Variants in TSPAN14 observed in about 807,000 individuals in gnomAD.
TSPAN14 encodes tetraspanin-14.
A neutral mutation model predicts 36.6 loss-of-function variants in TSPAN14; 16 were observed. That is an observed-to-expected ratio of 0.44 (90% CI 0.30 to 0.66). The LOEUF is 0.66. Among genes scored for constraint, TSPAN14 ranks in the 30% least tolerant of loss-of-function variants. The pLI, the probability that TSPAN14 is intolerant of heterozygous loss-of-function variation, is 0.12. For synonymous variants in TSPAN14, 139 were observed against 143.8 expected (o/e 0.97, Z 0.24); for missense variants, 231 against 355.1 (o/e 0.65, Z 2.81).
At chr10:80,500,148 C>T (rs1364985092) in intron 2 of TSPAN14, among the ~76,000 whole-genome samples, 1 of 152,076 alleles carries the variant, frequency 6.6e-6, no homozygotes, top group Non-Finnish European at 1.5e-5. Flanking sequence ...CTCCCTCAAT[C>T]TCCTGGTCTC....
chr10:80,468,036 G>T (rs1244508669), intron 1 of TSPAN14, among the ~76,000 whole-genome samples: 8 of 152,264 alleles, frequency 5.3e-5, no homozygotes, highest in Admixed American at 2.0e-4. Flanking sequence ...CTCTTCTTTG[G>T]GGGTGGAGAC....
chr10:80,499,306 G>C (rs989145749), intron 2 of TSPAN14, among the ~76,000 whole-genome samples: 3 of 152,202 alleles, frequency 2.0e-5, no homozygotes, highest in African/African-American at 7.2e-5. Context: ...GACCAGCCCA[G>C]AGTGCCCCAA....
intron 2 of TSPAN14, among the ~76,000 whole-genome samples, chr10:80,495,123 G>A (rs1233213649): frequency 6.6e-6 from 1 of 152,022 alleles, no homozygotes; most frequent in Non-Finnish European, 1.5e-5. Flanking sequence ...CAATTTTTTT[G>A]CTATCCTAGA....
At chr10:80,510,898 TAAAACAAAAC>T (rs928845487) in intron 5 of TSPAN14, among the ~76,000 whole-genome samples, 1 of 151,920 alleles carries the variant, frequency 6.6e-6, no homozygotes, top group African/African-American at 2.4e-5. Flanking sequence ...ATAAATAAAT[TAAAACAAAAC>T]AAAACAAAAC....
chr10:80,465,128 C>T (rs1389387073), intron 1 of TSPAN14, among the ~76,000 whole-genome samples: 3 of 152,200 alleles, frequency 2.0e-5, no homozygotes, highest in East Asian at 3.9e-4. Flanking sequence ...CAGGAGTGGC[C>T]GGTGCCAGGC....
intron 1 of TSPAN14, among the ~76,000 whole-genome samples, chr10:80,476,666 C>T (rs1347572943): frequency 1.3e-5 from 2 of 152,044 alleles, no homozygotes; most frequent in African/African-American, 4.8e-5. Context: ...CTGCCCGCCT[C>T]GGCCTCCCAA....
At chr10:80,499,652 A>G (rs555772290) in intron 2 of TSPAN14, among the ~76,000 whole-genome samples, 1 of 152,360 alleles carries the variant, frequency 6.6e-6, no homozygotes, top group South Asian at 2.1e-4. Flanking sequence ...CCTTGGGCAA[A>G]GGACCAAATT....
intron 4 of TSPAN14, among the ~76,000 whole-genome samples, chr10:80,507,639 T>G (rs1164054351): frequency 6.6e-6 from 1 of 152,256 alleles, no homozygotes; most frequent in Non-Finnish European, 1.5e-5. Flanking sequence ...CCCGCTCCTT[T>G]GCCTTTTATC....
intron 1 of TSPAN14, among the ~76,000 whole-genome samples, chr10:80,488,532 G>T (rs1028618876): frequency 2.0e-5 from 3 of 152,044 alleles, no homozygotes; most frequent in Non-Finnish European, 4.4e-5. Context: ...GGTGGAGTGG[G>T]GGGCGAGTGA....
At chr10:80,520,646 C>G (rs375836094) in exon 9 of TSPAN14, 8 of 533,340 alleles carry the variant, frequency 1.5e-5, no homozygotes, top group Non-Finnish European at 2.3e-5. Flanking sequence ...GTCTTCCTAT[C>G]GCTGGCCTTC....
chr10:80,485,803 C>T (rs1249258209), intron 1 of TSPAN14: 2 of 539,712 alleles, frequency 3.7e-6, no homozygotes, highest in Non-Finnish European at 4.7e-6. Context: ...CAGTTTATTG[C>T]AATAGTTTCC....
chr10:80,497,423 C>T (rs1848257168), intron 2 of TSPAN14, among the ~76,000 whole-genome samples: 1 of 152,234 alleles, frequency 6.6e-6, no homozygotes, highest in South Asian at 2.1e-4. Flanking sequence ...AACACAGCCA[C>T]ACCCATTCAT....
At chr10:80,519,363 G>A (rs1383694413) in exon 9 of TSPAN14, 5 of 152,656 alleles carry the variant, frequency 3.3e-5, no homozygotes, top group Non-Finnish European at 7.3e-5. Flanking sequence ...ACTCCCCTGG[G>A]GATAGCTGGG....
intron 1 of TSPAN14, among the ~76,000 whole-genome samples, chr10:80,481,543 A>G (rs1293339996): frequency 2.0e-5 from 3 of 152,168 alleles, no homozygotes; most frequent in Admixed American, 6.5e-5. Flanking sequence ...ATTAGTGGAG[A>G]GATTGGAAAG....
chr10:80,460,298 T>C (rs1274476092), intron 1 of TSPAN14, among the ~76,000 whole-genome samples: 2 of 152,216 alleles, frequency 1.3e-5, no homozygotes, highest in Non-Finnish European at 2.9e-5. Flanking sequence ...GATCAGGTTT[T>C]ACCTGGGAGA....
intron 1 of TSPAN14, among the ~76,000 whole-genome samples, chr10:80,472,730 T>G (rs998359406): frequency 2.6e-5 from 4 of 152,252 alleles, no homozygotes; most frequent in African/African-American, 9.6e-5. Context: ...TATTTATCTC[T>G]GTGTGTGTAT....
chr10:80,456,789 G>T (rs1419358863), intron 1 of TSPAN14, among the ~76,000 whole-genome samples: 1 of 152,234 alleles, frequency 6.6e-6, no homozygotes, highest in Non-Finnish European at 1.5e-5. Flanking sequence ...ATGGCTGGGC[G>T]TGATGGCTCA....
At chr10:80,497,835 G>C (rs1848275388) in intron 2 of TSPAN14, among the ~76,000 whole-genome samples, 1 of 152,194 alleles carries the variant, frequency 6.6e-6, no homozygotes, top group Non-Finnish European at 1.5e-5. Context: ...ACATGGGTTT[G>C]CTGGCTCTGC....
chr10:80,502,658 G>T (rs554832269), intron 2 of TSPAN14, among the ~76,000 whole-genome samples: 5 of 152,068 alleles, frequency 3.3e-5, no homozygotes, highest in Admixed American at 3.3e-4. Context: ...GGGGGAGCTC[G>T]GTTGGGGTTG....
Sources: gnomAD v4.1 joint callset for allele counts (sites outside exome capture counted in the v4.1 genomes callset) on GRCh38, gnomAD v4.1.1 for gene constraint, MANE v1.5 for transcripts, NCBI Gene and HGNC (gene_info 2026-07-23, HGNC 2026-07-21) for gene names.